Variants in CHN2 observed in about 807,000 individuals in gnomAD.
CHN2 encodes the protein beta-chimaerin.
In CHN2, 35 loss-of-function variants were observed where a neutral mutation model predicts 56.3. That is an observed-to-expected ratio of 0.62 (90% CI 0.47 to 0.82). The LOEUF (loss-of-function observed/expected upper bound fraction) is 0.82. Ranked by LOEUF, CHN2 falls within the 40% of genes least tolerant of loss-of-function variation. The probability of loss-of-function intolerance (pLI) is 0.00; values close to 1 mark genes in which losing one functional copy is unlikely to be tolerated. For missense variants in CHN2, 491 were observed against 580.5 expected, an observed-to-expected ratio of 0.85 and a Z score of 1.58; for synonymous variants, 210 against 212.8, an observed-to-expected ratio of 0.99 and a Z score of 0.12.
intron 2 of CHN2, among the ~76,000 whole-genome samples, chr7:29,179,951 T>G (rs552189124): frequency 2.6e-5 from 4 of 152,242 alleles, no homozygotes; most frequent in Non-Finnish European, 4.4e-5. Context: ...CTAAGCATTC[T>G]ATTGATCTTT....
intron 6 of CHN2, among the ~76,000 whole-genome samples, chr7:29,471,580 CA>C (rs3842624): frequency 0.41 from 61,696 of 151,906 alleles, 12,687 homozygotes; most frequent in East Asian, 0.53. Flanking sequence ...TTGAATGAGG[CA>C]AAATTGTATT....
intron 2 of CHN2, among the ~76,000 whole-genome samples, chr7:29,178,614 G>GA (rs1797673147): frequency 6.6e-6 from 1 of 152,046 alleles, no homozygotes; most frequent in Non-Finnish European, 1.5e-5. Flanking sequence ...TTTAAAAAAA[G>GA]CAGTTCATTG....
intron 1 of CHN2, among the ~76,000 whole-genome samples, chr7:29,215,852 G>A (rs1785296640): frequency 6.6e-6 from 1 of 152,078 alleles, no homozygotes; most frequent in Admixed American, 6.5e-5. Flanking sequence ...TTTAAATTAT[G>A]CACTCTTCTT....
rs560704089 is a variant in CHN2, at chr7:29,400,873, C to T, written c.576+45C>T. 63 of 1,585,718 alleles carry T rather than the reference C, an allele frequency of 4.0e-5. 1 individual carries two copies. The South Asian group carries it at 5.4e-4, about 14-fold the overall frequency. The stretch of plus-strand genomic sequence containing the variant: ...AGCAGCCTTTCGTTTTAATCCATGC[C>T]GCATCAACAGGCGGGTTAACTATAG... On this transcript the variant is annotated intron_variant, in intron 6 of 12. Coordinates refer to ENST00000222792, the MANE Select transcript of CHN2 (RefSeq NM_004067.4).
At chr7:29,498,749 C>T (rs1789585209) in intron 8 of CHN2, among the ~76,000 whole-genome samples, 1 of 136,044 alleles carries the variant, frequency 7.4e-6, no homozygotes, top group South Asian at 2.3e-4. Flanking sequence ...AGAATGTAGA[C>T]TATGCTGCCT....
intron 2 of CHN2, among the ~76,000 whole-genome samples, chr7:29,155,393 C>A (rs1010788858): frequency 2.6e-4 from 40 of 152,182 alleles, no homozygotes; most frequent in African/African-American, 9.4e-4. Flanking sequence ...TAAATCCTTA[C>A]TACCAGCCAA....
At chr7:29,391,440 G>C (rs773947191) in intron 3 of CHN2, among the ~76,000 whole-genome samples, 6 of 152,046 alleles carry the variant, frequency 3.9e-5, no homozygotes, top group Non-Finnish European at 8.8e-5. Flanking sequence ...AGGATGCCTA[G>C]TTAAATTTAA....
intron 1 of CHN2, among the ~76,000 whole-genome samples, chr7:29,278,292 G>A (rs1379960567): frequency 2.0e-5 from 3 of 152,088 alleles, no homozygotes; most frequent in East Asian, 1.9e-4. Context: ...CCAGGGTTTC[G>A]CCAACTTTTT....
intron 1 of CHN2, among the ~76,000 whole-genome samples, chr7:29,206,013 T>C (rs780499020): frequency 2.6e-5 from 4 of 152,184 alleles, no homozygotes; most frequent in Non-Finnish European, 4.4e-5. Flanking sequence ...ACCACTACTC[T>C]GAATTTTCAC....
intron 7 of CHN2, among the ~76,000 whole-genome samples, chr7:29,486,088 G>A (rs562336236): frequency 6.6e-6 from 1 of 152,126 alleles, no homozygotes; most frequent in East Asian, 1.9e-4. Context: ...AGCTGACATC[G>A]TACATATTTA....
intron 1 of CHN2, among the ~76,000 whole-genome samples, chr7:29,207,190 C>T (rs1366486544): frequency 6.6e-6 from 1 of 152,164 alleles, no homozygotes; most frequent in Non-Finnish European, 1.5e-5. Flanking sequence ...TCAGTCATAA[C>T]GTGAGCAAAC....
chr7:29,351,165 T>G (rs1361275438), intron 1 of CHN2, among the ~76,000 whole-genome samples: 2 of 143,682 alleles, frequency 1.4e-5, no homozygotes, highest in South Asian at 2.2e-4. Context: ...GATTATGAGA[T>G]AGGTACTTTT....
intron 1 of CHN2, among the ~76,000 whole-genome samples, chr7:29,334,295 C>G (rs1161059337): frequency 6.6e-6 from 1 of 152,078 alleles, no homozygotes; most frequent in Non-Finnish European, 1.5e-5. Context: ...AAGTGATCCA[C>G]TCGCCTTGGC....
At chr7:29,147,489 T>C (rs1319062787) in intron 2 of CHN2, among the ~76,000 whole-genome samples, 1 of 152,240 alleles carries the variant, frequency 6.6e-6, no homozygotes, top group Admixed American at 6.5e-5. Flanking sequence ...GCACTAGTTT[T>C]ACGAGCTGGA....
intron 3 of CHN2, among the ~76,000 whole-genome samples, chr7:29,385,290 T>C (rs1424300956): frequency 6.6e-6 from 1 of 152,230 alleles, no homozygotes; most frequent in African/African-American, 2.4e-5. Flanking sequence ...AAAAAATGTT[T>C]CTAATATTCT....
chr7:29,448,771 G>A (rs112486950), intron 6 of CHN2, among the ~76,000 whole-genome samples: 132 of 151,938 alleles, frequency 8.7e-4, no homozygotes, highest in African/African-American at 3.1e-3. Context: ...CTTGTTTTGG[G>A]GAGTTGGGGA....
intron 3 of CHN2, among the ~76,000 whole-genome samples, chr7:29,386,957 C>T (rs1013345124): frequency 6.6e-5 from 10 of 152,210 alleles, no homozygotes; most frequent in South Asian, 2.1e-4. Flanking sequence ...TGAGAGCCAA[C>T]AAAGGCATTA....
chr7:29,461,161 A>G (rs1188001996), intron 6 of CHN2, among the ~76,000 whole-genome samples: 1 of 152,246 alleles, frequency 6.6e-6, no homozygotes, highest in Non-Finnish European at 1.5e-5. Flanking sequence ...GTATTTCTCA[A>G]GGACATGCCC....
intron 1 of CHN2, among the ~76,000 whole-genome samples, chr7:29,307,894 A>T (rs1178768443): frequency 6.6e-6 from 1 of 152,162 alleles, no homozygotes; most frequent in Non-Finnish European, 1.5e-5. Context: ...CCTATTTTGA[A>T]TTTTTGACTT....
Sources: gnomAD v4.1 joint callset for allele counts (sites outside exome capture counted in the v4.1 genomes callset) on GRCh38, gnomAD v4.1.1 for gene constraint, MANE v1.5 for transcripts, NCBI Gene and HGNC (gene_info 2026-07-23, HGNC 2026-07-21) for gene names.